The following ESRRG variants were observed in gnomAD, a reference collection of about 807,000 sequenced individuals.
The protein encoded by ESRRG is estrogen related receptor gamma.
Under a neutral mutation model 44.0 loss-of-function variants are expected in ESRRG, and 13 were observed. The observed-to-expected ratio is 0.30, with a 90% CI of 0.19 to 0.47. ESRRG has a LOEUF of 0.47. Among genes scored for constraint, ESRRG ranks in the 20% least tolerant of loss-of-function variants. ESRRG has a pLI of 1.00. For synonymous variants in ESRRG, 215 were observed against 214.6 expected (o/e 1.00, Z -0.02); for missense variants, 395 against 580.6 (o/e 0.68, Z 3.29).
chr1:216,948,261 G>T (rs914333553), intron 1 of ESRRG, among the ~76,000 whole-genome samples: 1 of 151,982 alleles, frequency 6.6e-6, no homozygotes, highest in Non-Finnish European at 1.5e-5. Flanking sequence ...TAGGAAGAAA[G>T]AAATAGGGGA....
chr1:216,783,748 C>T (rs947599199), intron 2 of ESRRG, among the ~76,000 whole-genome samples: 4 of 151,938 alleles, frequency 2.6e-5, no homozygotes, highest in Admixed American at 2.6e-4. Flanking sequence ...GACAAAACTA[C>T]ATTAGAAGGG....
intron 1 of ESRRG, among the ~76,000 whole-genome samples, chr1:217,013,524 T>G (rs964688398): frequency 2.0e-5 from 3 of 152,324 alleles, no homozygotes; most frequent in South Asian, 2.1e-4. Flanking sequence ...GTCCATAATC[T>G]CTGACAATCT....
At chr1:216,723,802 A>T (rs1444347408), upstream of ESRRG, among the ~76,000 whole-genome samples, 6 of 150,962 alleles carry the variant, frequency 4.0e-5, no homozygotes, top group Non-Finnish European at 8.8e-5. Context: ...CACTGGAGGG[A>T]TTTGCCTTTG....
chr1:216,743,108 G>T lies in ESRRG; in HGVS notation c.-13-65617C>A, dbSNP rs74694658. 3.8e-3 allele frequency among the ~76,000 whole-genome samples: 584 copies of T among 152,306 alleles called. 15 individuals carry two copies. Among genetic ancestry groups the T allele is most frequent in the Admixed American group, 0.033 (509 of 15,286 alleles). Reference sequence around the variant, plus strand: ...TCTCACCATGATAGTCATTATTAGAGACCAATGGAATGAGGCTGCTAGCTG... The same window carrying T: ...TCTCACCATGATAGTCATTATTAGATACCAATGGAATGAGGCTGCTAGCTG... On this transcript the variant is annotated intron_variant, in intron 2 of 7. Transcript: ENST00000359162.
intron 1 of ESRRG, among the ~76,000 whole-genome samples, chr1:217,107,709 C>G (rs2151579508): frequency 6.6e-6 from 1 of 152,240 alleles, no homozygotes; most frequent in Non-Finnish European, 1.5e-5. Flanking sequence ...AAAATTCAGT[C>G]TGAGCTACTT....
At chr1:217,045,827 C>T (rs113826636) in intron 1 of ESRRG, among the ~76,000 whole-genome samples, 94 of 152,280 alleles carry the variant, frequency 6.2e-4, no homozygotes, top group African/African-American at 2.2e-3. Context: ...CCCTCAGAGG[C>T]ACACTGTCCT....
chr1:216,728,316 T>C (rs11572661), upstream of ESRRG, among the ~76,000 whole-genome samples: 445 of 152,314 alleles, frequency 2.9e-3, 3 homozygotes, highest in African/African-American at 0.01. Flanking sequence ...TGTAATATTA[T>C]GATAATCAAG....
intron 1 of ESRRG, among the ~76,000 whole-genome samples, chr1:217,011,948 G>T (rs1030178512): frequency 6.6e-6 from 1 of 152,096 alleles, no homozygotes; most frequent in African/African-American, 2.4e-5. Context: ...TACCCCCTCT[G>T]CAGGATTACA....
At chr1:216,576,939 A>T (rs934838181) in intron 3 of ESRRG, among the ~76,000 whole-genome samples, 14 of 151,970 alleles carry the variant, frequency 9.2e-5, no homozygotes, top group Non-Finnish European at 1.9e-4. Flanking sequence ...AATACCCAAT[A>T]TCTCATTATT....
intron 2 of ESRRG, among the ~76,000 whole-genome samples, chr1:216,885,771 G>A (rs2096507482): frequency 6.6e-6 from 1 of 151,354 alleles, no homozygotes; most frequent in Non-Finnish European, 1.5e-5. Flanking sequence ...ATTTTTTGCT[G>A]CTCCCCAAAT....
intron 1 of ESRRG, among the ~76,000 whole-genome samples, chr1:217,073,236 T>C (rs897568081): frequency 7.3e-6 from 1 of 136,552 alleles, no homozygotes; most frequent in African/African-American, 2.7e-5. Context: ...AAAATCCTCA[T>C]GAAGAATGTA....
chr1:216,519,994 C>T (rs1300830164), intron 5 of ESRRG, among the ~76,000 whole-genome samples: 2 of 151,948 alleles, frequency 1.3e-5, no homozygotes, highest in African/African-American at 4.8e-5. Context: ...CTATTTCTCC[C>T]CACTGATATT....
intron 2 of ESRRG, among the ~76,000 whole-genome samples, chr1:216,837,072 A>G (rs112405388): frequency 3.9e-5 from 6 of 151,956 alleles, no homozygotes; most frequent in African/African-American, 1.5e-4. Context: ...CATGATAAGC[A>G]TTTGTCCAGT....
At chr1:217,009,506 TATAAAACAAGC>T (rs2078229362) in intron 1 of ESRRG, among the ~76,000 whole-genome samples, 1 of 152,118 alleles carries the variant, frequency 6.6e-6, no homozygotes, top group Non-Finnish European at 1.5e-5. Context: ...AATGGCAAGC[TATAAAACAAGC>T]ATAAAACTTC....
intron 2 of ESRRG, among the ~76,000 whole-genome samples, chr1:216,655,436 G>C (rs2070228903): frequency 6.6e-6 from 1 of 152,046 alleles, no homozygotes; most frequent in East Asian, 1.9e-4. Context: ...CTCCAAATAG[G>C]GGCAAATGCT....
chr1:216,991,347 A>G (rs920074429), intron 1 of ESRRG, among the ~76,000 whole-genome samples: 2 of 152,120 alleles, frequency 1.3e-5, no homozygotes, highest in African/African-American at 4.8e-5. Context: ...GTCCTCAGCC[A>G]ACGTCTAGGT....
At position 216,989,777 on chromosome 1, in the gene ESRRG, T is replaced by C. The variant is rs578240279; in HGVS notation, c.-105-50104A>G. ...GACTTGGTTTCCATGGGCTTCTACCTATGGCTTAGCAATAGGTATTTACAA... is the reference window on the plus strand; with the variant it reads ...GACTTGGTTTCCATGGGCTTCTACCCATGGCTTAGCAATAGGTATTTACAA... On this transcript the variant is annotated intron_variant, in intron 1 of 7. Coordinates refer to the ESRRG transcript ENST00000359162. Among the ~76,000 whole-genome samples the C allele has an allele frequency of 8.5e-5, 13 of 152,302 alleles. No homozygotes were observed. In the East Asian group the frequency reaches 2.5e-3, roughly 29 times the overall value.
At chr1:216,644,790 A>G (rs1483980762) in intron 3 of ESRRG, among the ~76,000 whole-genome samples, 1 of 152,144 alleles carries the variant, frequency 6.6e-6, no homozygotes, top group East Asian at 1.9e-4. Context: ...ATGGGTATCA[A>G]TAAAACACAT....
intron 1 of ESRRG, among the ~76,000 whole-genome samples, chr1:217,123,873 C>A (rs2092856652): frequency 6.6e-6 from 1 of 152,202 alleles, no homozygotes; most frequent in South Asian, 2.1e-4. Flanking sequence ...ACCTACGTAA[C>A]AAACCTGCAC....
Sources: gnomAD v4.1 joint callset for allele counts (sites outside exome capture counted in the v4.1 genomes callset) on GRCh38, gnomAD v4.1.1 for gene constraint, MANE v1.5 for transcripts, NCBI Gene and HGNC (gene_info 2026-07-23, HGNC 2026-07-21) for gene names.